ASCC3: variants seen among roughly 807,000 people sequenced by gnomAD.
ASCC3 encodes ASC-1 complex subunit P200.
A neutral mutation model predicts 256.3 loss-of-function variants in ASCC3; 158 were observed. That is an observed-to-expected ratio of 0.62 (90% CI 0.54 to 0.70). The LOEUF (loss-of-function observed/expected upper bound fraction) is 0.70, where lower values mean the gene tolerates loss of function less well. ASCC3 is among the 30% of genes least tolerant of loss of function. ASCC3 has a pLI of 0.00. For missense variants in ASCC3, 2,259 were observed against 2,626.0 expected (o/e 0.86, Z 3.05); for synonymous variants, 948 against 883.4 (o/e 1.07, Z -1.30).
chr6:100,772,866 T>C (rs989623827), intron 8 of ASCC3, among the ~76,000 whole-genome samples: 1 of 152,196 alleles, frequency 6.6e-6, no homozygotes, highest in Non-Finnish European at 1.5e-5. Flanking sequence ...GCAGGTAACT[T>C]AAGATCTCTA....
chr6:100,610,462 G>A (rs1358464281), intron 30 of ASCC3, among the ~76,000 whole-genome samples: 2 of 151,840 alleles, frequency 1.3e-5, no homozygotes, highest in African/African-American at 4.8e-5. Context: ...GTGGAAGCAA[G>A]CTGTTTTATA....
intron 25 of ASCC3, among the ~76,000 whole-genome samples, chr6:100,637,093 A>C (rs934375997): frequency 6.6e-6 from 1 of 152,178 alleles, no homozygotes; most frequent in South Asian, 2.1e-4. Context: ...AAGGACTTTC[A>C]CAGGTAGAGA....
intron 14 of ASCC3, among the ~76,000 whole-genome samples, chr6:100,670,298 C>A (rs1387547392): frequency 6.6e-6 from 1 of 151,880 alleles, no homozygotes; most frequent in African/African-American, 2.4e-5. Flanking sequence ...GCACAGTCTT[C>A]CCATGGTATC....
In ASCC3 at chr6:100,592,155, AT is replaced by A. The variant is rs1201365497; in HGVS notation, c.5304-2097del. Among the ~76,000 whole-genome samples the A allele has an allele frequency of 1.0e-3, 155 of 151,402 alleles. 1 individual carries two copies. Among genetic ancestry groups the A allele is most frequent in the African/African-American group, 2.7e-3 (113 of 41,346 alleles). ...AGTAAGTCACCAAAAAAAAAAAAAA[AT>A]CAACCTAAATGATGTTTCTGAGATT... On this transcript the variant is annotated intron_variant, in intron 34 of 41. Coordinates refer to ENST00000369162, the MANE Select transcript of ASCC3 (RefSeq NM_006828.4).
intron 8 of ASCC3, among the ~76,000 whole-genome samples, chr6:100,793,972 C>T (rs1769477518): frequency 6.6e-6 from 1 of 152,056 alleles, no homozygotes; most frequent in Admixed American, 6.6e-5. Context: ...GCCTATATCT[C>T]ATTCTAAATT....
At chr6:100,764,742 C>A (rs936621184) in intron 10 of ASCC3, among the ~76,000 whole-genome samples, 1 of 152,070 alleles carries the variant, frequency 6.6e-6, no homozygotes. Context: ...TACTTCATGA[C>A]CTAATCTAAG....
At chr6:100,786,954 A>C (rs181369326) in intron 8 of ASCC3, among the ~76,000 whole-genome samples, 228 of 152,262 alleles carry the variant, frequency 1.5e-3, no homozygotes, top group Non-Finnish European at 2.4e-3. Flanking sequence ...CTTACTTCAT[A>C]TTATCAGTAA....
chr6:100,678,249 C>A (rs1473016959), intron 14 of ASCC3, among the ~76,000 whole-genome samples: 1 of 152,070 alleles, frequency 6.6e-6, no homozygotes, highest in South Asian at 2.1e-4. Context: ...GCTCTCAAGG[C>A]TTGTCTTTTA....
chr6:100,570,628 C>T (rs1463278749), intron 36 of ASCC3, among the ~76,000 whole-genome samples: 2 of 152,080 alleles, frequency 1.3e-5, no homozygotes, highest in Non-Finnish European at 2.9e-5. Context: ...CAGAGCTCAA[C>T]CTTTAGACCT....
rs1774795634 is a variant in ASCC3, at chr6:100,530,146, T to C, written c.5775+10017A>G. 9 of 568,120 alleles carry C rather than the reference T, an allele frequency of 1.6e-5. No individual in the cohort carries two copies. The South Asian group carries it at 1.6e-4, about 10-fold the overall frequency. 35.2% of individuals were successfully genotyped at this position (568,120 alleles called of 1,614,324 possible). ...TAATCAGTGTACACTGTCACATTTC[T>C]CTATGTGCATGTGTGTGAGATGTGT... is the stretch of plus-strand genomic sequence containing the variant. On this transcript the variant is annotated intron_variant, in intron 37 of 41. Coordinates refer to ENST00000369162, the MANE Select transcript of ASCC3 (RefSeq NM_006828.4).
chr6:100,620,237 T>C (rs181452383), intron 30 of ASCC3, among the ~76,000 whole-genome samples: 86 of 152,190 alleles, frequency 5.7e-4, no homozygotes, highest in African/African-American at 2.0e-3. Context: ...GACCTAATAA[T>C]AGCTTGAGGT....
chr6:100,658,535 G>T (rs1776032248), intron 16 of ASCC3, among the ~76,000 whole-genome samples: 1 of 151,296 alleles, frequency 6.6e-6, no homozygotes, highest in Non-Finnish European at 1.5e-5. Flanking sequence ...TTCAGTGCTG[G>T]CAATAAGTAT....
At chr6:100,669,736 G>C (rs1265955689) in intron 14 of ASCC3, among the ~76,000 whole-genome samples, 1 of 151,672 alleles carries the variant, frequency 6.6e-6, no homozygotes, top group Non-Finnish European at 1.5e-5. Flanking sequence ...GAAACAATAA[G>C]ATCAATGACA....
At chr6:100,592,648 C>G (rs988391715) in intron 34 of ASCC3, among the ~76,000 whole-genome samples, 1 of 151,968 alleles carries the variant, frequency 6.6e-6, no homozygotes, top group Admixed American at 6.6e-5. Context: ...CATAATACAG[C>G]CTTTACTTCT....
chr6:100,547,634 A>G (rs1000966008), intron 36 of ASCC3, among the ~76,000 whole-genome samples: 7 of 152,064 alleles, frequency 4.6e-5, no homozygotes, highest in African/African-American at 1.7e-4. Context: ...AATAACTGTG[A>G]CATAGCAAGT....
At position 100,638,655 on chromosome 6, in the gene ASCC3, A is replaced by T; in HGVS notation, c.4068T>A (p.Thr1356=). The part of the protein sequence containing the change: ...LLGAPTGSGK[T]VAAELAIFRV... ...TGAAAATGGCTAATTCAGCTGCAACAGTCTTTCCCGATCCAGTAGGTGCTC... is the reference window on the plus strand; with the variant it reads ...TGAAAATGGCTAATTCAGCTGCAACTGTCTTTCCCGATCCAGTAGGTGCTC... The change falls in exon 25 of 42, where the codon ACT becomes ACA. Residue 1356 remains threonine, a synonymous_variant. Coordinates refer to ENST00000369162, the MANE Select transcript of ASCC3 (RefSeq NM_006828.4). 1 of 1,613,982 alleles carries T rather than the reference A, an allele frequency of 6.2e-7. No individual in the cohort carries two copies. Among genetic ancestry groups the T allele is most frequent in the Non-Finnish European group, 8.5e-7 (1 of 1,179,850 alleles).
chr6:100,527,026 T>C (rs1001091929), intron 37 of ASCC3, among the ~76,000 whole-genome samples: 10 of 152,064 alleles, frequency 6.6e-5, no homozygotes, highest in Non-Finnish European at 1.3e-4. Context: ...ATAAAAGAAC[T>C]AAAAAGAAAA....
intron 30 of ASCC3, among the ~76,000 whole-genome samples, chr6:100,613,727 A>C (rs939098490): frequency 2.6e-5 from 4 of 152,028 alleles, no homozygotes; most frequent in African/African-American, 9.7e-5. Flanking sequence ...CGGTAATTCT[A>C]TTTTTAGTTT....
At chr6:100,863,994 T>C (rs756668766) in intron 3 of ASCC3, 70 bp downstream of exon 3, 44 of 1,293,574 alleles carry the variant, frequency 3.4e-5, no homozygotes, top group Non-Finnish European at 4.4e-5. Context: ...AGTATGTTGT[T>C]TACAAGGAAT....
Sources: allele counts gnomAD v4.1 joint callset (sites outside exome capture counted in the v4.1 genomes callset), GRCh38; gene constraint gnomAD v4.1.1; transcripts MANE v1.5; gene names NCBI Gene and HGNC (gene_info 2026-07-23, HGNC 2026-07-21).